The following ARHGAP17 variants were observed in gnomAD, a reference collection of about 807,000 sequenced individuals.
ARHGAP17 encodes rho GTPase-activating protein 17.
ARHGAP17 carries 57 observed loss-of-function variants against 99.5 expected under a neutral mutation model. The observed-to-expected ratio is 0.57, with a 90% CI of 0.46 to 0.71. The LOEUF is 0.71. Ranked by LOEUF, ARHGAP17 falls within the 30% of genes least tolerant of loss-of-function variation. The pLI, the probability that ARHGAP17 is intolerant of heterozygous loss-of-function variation, is 0.00. For missense variants in ARHGAP17, 1,000 were observed against 1,122.4 expected, an observed-to-expected ratio of 0.89 and a Z score of 1.56; for synonymous variants, 417 against 429.6, an observed-to-expected ratio of 0.97 and a Z score of 0.36.
At chr16:25,012,452 A>G (rs2053666940) in intron 1 of ARHGAP17, among the ~76,000 whole-genome samples, 1 of 152,206 alleles carries the variant, frequency 6.6e-6, no homozygotes, top group Non-Finnish European at 1.5e-5. Context: ...CCAAAACACG[A>G]TGGGCATGAC....
intron 18 of ARHGAP17, 36 bp from the exon 19 acceptor site, chr16:24,931,440 A>G (rs776049043): frequency 1.2e-5 from 18 of 1,490,518 alleles, no homozygotes; most frequent in Non-Finnish European, 1.1e-5. Context: ...TTCAGTAGGA[A>G]CAGTGAGGCA....
intron 13 of ARHGAP17, among the ~76,000 whole-genome samples, chr16:24,948,752 G>C (rs1483633336): frequency 6.6e-6 from 1 of 151,560 alleles, no homozygotes; most frequent in Non-Finnish European, 1.5e-5. Context: ...GTCACTTAAT[G>C]TCACTCAAAA....
Position 24,935,613 on chromosome 16 carries a change from G to C in ARHGAP17, c.1751C>G (p.Ser584Cys), listed in dbSNP as rs1472551761. 1.5e-5 allele frequency: 24 copies of C among 1,614,024 alleles called. No homozygotes were observed. The highest frequency in any genetic ancestry group is 1.6e-4 in the Middle Eastern group (1 of 6,084). Residue 584 changes from serine (S) to cysteine (C), a missense_variant, in exon 18 of 20, where the codon TCT (serine) becomes TGT (cysteine). By Grantham distance (112) the Ser-to-Cys change is moderately radical. Around this residue, in one of 2 missense-constraint regions of ARHGAP17, gnomAD observed 528 missense variants for 511.4 expected, o/e 1.03. Coordinates refer to ENST00000289968, the MANE Select transcript of ARHGAP17 (RefSeq NM_001006634.3). ...TCTCCCTGGTGCTGGCACAGCTGCAGATACAGGGTCCTTCGGTTTGGGAGG... is the reference window on the plus strand; with the variant it reads ...TCTCCCTGGTGCTGGCACAGCTGCACATACAGGGTCCTTCGGTTTGGGAGG... The part of the protein sequence containing the change: ...GSPPKPKDPV[S>C]AAVPAPGRNN...
At chr16:25,006,803 A>C (rs1163708269) in intron 1 of ARHGAP17, among the ~76,000 whole-genome samples, 1 of 152,224 alleles carries the variant, frequency 6.6e-6, no homozygotes, top group African/African-American at 2.4e-5. Flanking sequence ...AGCCAATTTG[A>C]GGAAGAAGTT....
intron 2 of ARHGAP17, 39 bp from the exon 3 acceptor site, chr16:24,977,358 T>C (rs529502423): frequency 3.3e-6 from 5 of 1,522,684 alleles, no homozygotes; most frequent in African/African-American, 2.7e-5. Context: ...ATTCATCCTC[T>C]TTCTTTTGTG....
intron 9 of ARHGAP17, 63 bp downstream of exon 9, chr16:24,959,608 A>C: frequency 1.3e-6 from 2 of 1,530,320 alleles, no homozygotes; most frequent in Non-Finnish European, 1.8e-6. Flanking sequence ...CAGGGTGAAG[A>C]AGAACCCAGG....
intron 6 of ARHGAP17, among the ~76,000 whole-genome samples, chr16:24,966,691 G>T (rs1273530623): frequency 6.6e-6 from 1 of 151,962 alleles, no homozygotes; most frequent in African/African-American, 2.4e-5. Context: ...GGCTGAGGCA[G>T]GAGGATCCCT....
intron 11 of ARHGAP17, 49 bp from the exon 12 acceptor site, chr16:24,952,419 G>T (rs1404692143): frequency 7.0e-7 from 1 of 1,424,306 alleles, no homozygotes; most frequent in Non-Finnish European, 9.8e-7. Context: ...GTAAGGCTAG[G>T]AATCTTGGGA....
intron 1 of ARHGAP17, among the ~76,000 whole-genome samples, chr16:24,989,602 A>T (rs2052976918): frequency 6.6e-6 from 1 of 151,754 alleles, no homozygotes. Flanking sequence ...GGTGGGGGGA[A>T]TGGGGATTAA....
chr16:24,943,696 T>C (rs2051381415), intron 15 of ARHGAP17, 75 bp downstream of exon 15: 4 of 1,266,130 alleles, frequency 3.2e-6, no homozygotes, highest in South Asian at 1.2e-5. Context: ...GGATTACAGA[T>C]GTATTCTCTT....
chr16:24,972,044 T>C (rs1901690790), intron 3 of ARHGAP17, among the ~76,000 whole-genome samples: 1 of 152,256 alleles, frequency 6.6e-6, no homozygotes, highest in African/African-American at 2.4e-5. Context: ...TAATTTCACC[T>C]GCCCAGCAGA....
At chr16:24,995,269 C>G (rs945916852) in intron 1 of ARHGAP17, among the ~76,000 whole-genome samples, 48 of 152,120 alleles carry the variant, frequency 3.2e-4, no homozygotes, top group African/African-American at 3.6e-4. Context: ...ATTTAGAAAC[C>G]TAGGCACAGA....
At chr16:24,974,170 C>A (rs2052449164) in intron 3 of ARHGAP17, among the ~76,000 whole-genome samples, 1 of 152,248 alleles carries the variant, frequency 6.6e-6, no homozygotes, top group Non-Finnish European at 1.5e-5. Context: ...GAGGCTCACG[C>A]CTATAACCCC....
intron 19 of ARHGAP17, chr16:24,921,060 T>C (rs2050707595): frequency 2.0e-5 from 3 of 152,246 alleles, no homozygotes; most frequent in Admixed American, 1.3e-4. Context: ...TCCTATGCTC[T>C]TCCCAGAGGC....
At chr16:24,958,308 C>G (rs2051872802) in intron 9 of ARHGAP17, among the ~76,000 whole-genome samples, 1 of 152,228 alleles carries the variant, frequency 6.6e-6, no homozygotes, top group Admixed American at 6.5e-5. Flanking sequence ...TCAACTCTTT[C>G]AAATCAGACT....
chr16:24,997,631 G>A (rs2053233904), intron 1 of ARHGAP17, among the ~76,000 whole-genome samples: 1 of 152,222 alleles, frequency 6.6e-6, no homozygotes, highest in South Asian at 2.1e-4. Context: ...TAGTGGGTAG[G>A]TAGAGCAGGG....
chr16:25,009,482 A>G (rs553641440), intron 1 of ARHGAP17, among the ~76,000 whole-genome samples: 1 of 152,100 alleles, frequency 6.6e-6, no homozygotes, highest in Admixed American at 6.5e-5. Flanking sequence ...CGTAAGGATA[A>G]GGTTTGTGAT....
chr16:24,939,479 G>A lies in ARHGAP17; in HGVS notation c.1609C>T (p.Pro537Ser). The part of the protein sequence containing the change: ...LPPTDGSTVV[P>S]AGPEPPPQSS... ...TGGGGAGGGGGCTCTGGGCCAGCGG[G>A]CACCACGGTGCTGCCATCTGTGGGC... The change falls in exon 17 of 20, where the codon CCC (proline) becomes TCC (serine). Residue 537 changes from proline to serine, a missense_variant. Physicochemically the swap from Pro to Ser is moderately conservative, Grantham distance 74. Around this residue, in one of 2 missense-constraint regions of ARHGAP17, gnomAD observed 528 missense variants for 511.4 expected, o/e 1.03. Transcript: ENST00000289968. 1 of 1,610,942 alleles carries A rather than the reference G, an allele frequency of 6.2e-7. No homozygotes were observed. The highest frequency in any genetic ancestry group is 8.5e-7 in the Non-Finnish European group (1 of 1,179,074).
intron 14 of ARHGAP17, among the ~76,000 whole-genome samples, chr16:24,946,608 G>A (rs548519082): frequency 6.6e-6 from 1 of 151,974 alleles, no homozygotes; most frequent in South Asian, 2.1e-4. Context: ...GCAAGAAGAG[G>A]GCTCCGACCT....
Sources: allele counts gnomAD v4.1 joint callset (sites outside exome capture counted in the v4.1 genomes callset), GRCh38; gene constraint gnomAD v4.1.1; regional missense constraint gnomAD v4.1.1; transcripts MANE v1.5; gene names NCBI Gene and HGNC (gene_info 2026-07-23, HGNC 2026-07-21).